Variants in NUCB2 observed in about 807,000 individuals in gnomAD.
The protein encoded by NUCB2 is nucleobindin-2.
NUCB2 carries 48 observed loss-of-function variants against 57.9 expected under a neutral mutation model. That is an observed-to-expected ratio of 0.83 (90% CI 0.66 to 1.05). The LOEUF (loss-of-function observed/expected upper bound fraction) is 1.05. Ranked by LOEUF, NUCB2 falls within the 50% of genes least tolerant of loss-of-function variation. NUCB2 has a pLI of 0.00. For synonymous variants in NUCB2, 139 were observed against 152.1 expected, an observed-to-expected ratio of 0.91 and a Z score of 0.64; for missense variants, 442 against 476.2, an observed-to-expected ratio of 0.93 and a Z score of 0.67.
At chr11:17,280,301 T>G (rs968309406) in intron 1 of NUCB2, among the ~76,000 whole-genome samples, 9 of 152,236 alleles carry the variant, frequency 5.9e-5, no homozygotes, top group African/African-American at 1.7e-4. Flanking sequence ...TTTCTACAGA[T>G]GTAGACAACA....
intron 2 of NUCB2, among the ~76,000 whole-genome samples, chr11:17,286,379 A>G (rs1228183927): frequency 6.6e-6 from 1 of 152,224 alleles, no homozygotes; most frequent in East Asian, 1.9e-4. Context: ...AAGAGAGATT[A>G]GCTTTCTTTT....
chr11:17,292,172 A>G (rs953926549), intron 2 of NUCB2, among the ~76,000 whole-genome samples: 5 of 152,154 alleles, frequency 3.3e-5, no homozygotes, highest in African/African-American at 1.2e-4. Flanking sequence ...TTATTTTTAT[A>G]AATGAGGGAA....
At chr11:17,334,452 C>T (rs1468696464), downstream of NUCB2, 3 of 152,254 alleles carry the variant, frequency 2.0e-5, no homozygotes, top group African/African-American at 4.8e-5. Flanking sequence ...TCTGTCCCCA[C>T]GTTACTTGGC....
chr11:17,295,669 AG>A lies in NUCB2; in HGVS notation c.144+203del, dbSNP rs1945714947. ...ATAGCAGTGAAAAGAGTATTGGCCA[AG>A]CATATGCTGTTTACCATTACACAAT... On this transcript the variant is annotated intron_variant, in intron 3 of 13. Transcript: ENST00000529010. 3 of 546,916 alleles carry A rather than the reference AG, an allele frequency of 5.5e-6. No homozygotes were observed. The East Asian group carries it at 9.8e-5, about 18-fold the overall frequency. 33.9% of individuals were successfully genotyped at this position (546,916 alleles called of 1,614,324 possible). A position where few individuals can be genotyped will look rare whatever the true frequency, so the allele number is the denominator to read the frequency against.
At chr11:17,346,324 G>C (rs2139677145) in intron 2 of NUCB2, among the ~76,000 whole-genome samples, 1 of 152,206 alleles carries the variant, frequency 6.6e-6, no homozygotes, top group South Asian at 2.1e-4. Flanking sequence ...CTGGTACCTG[G>C]GTCCCATCTC....
downstream of NUCB2, among the ~76,000 whole-genome samples, chr11:17,334,676 A>AG (rs1477662702): frequency 3.3e-5 from 5 of 152,242 alleles, no homozygotes; most frequent in African/African-American, 1.2e-4. Flanking sequence ...ACCTGAGGTT[A>AG]GGAGTTCCAG....
At chr11:17,329,621 C>T (rs1248365960) in intron 11 of NUCB2, among the ~76,000 whole-genome samples, 1 of 152,234 alleles carries the variant, frequency 6.6e-6, no homozygotes, top group Non-Finnish European at 1.5e-5. Context: ...CCCCAGAGGG[C>T]ACAGACTCTC....
chr11:17,302,973 C>CAG, intron 5 of NUCB2, among the ~76,000 whole-genome samples: 1 of 152,014 alleles, frequency 6.6e-6, no homozygotes, highest in East Asian at 1.9e-4. Flanking sequence ...CTCCTGACCT[C>CAG]GTGATCCACC....
At position 17,301,442 on chromosome 11, in the gene NUCB2, G is replaced by A. The variant is rs1169500738; in HGVS notation, c.253-302G>A. Among the ~76,000 whole-genome samples the A allele has an allele frequency of 2.0e-5, 3 of 151,360 alleles. No individual in the cohort carries two copies. In the East Asian group the frequency reaches 5.8e-4, roughly 29 times the overall value. ...TGACAGGCGTGTGTCACCATGCCCAGCTAATTTTTGTATTTTTAGTAGAGA... is the reference window on the plus strand; with the variant it reads ...TGACAGGCGTGTGTCACCATGCCCAACTAATTTTTGTATTTTTAGTAGAGA... On this transcript the variant is annotated intron_variant, in intron 4 of 13. Transcript: ENST00000529010.
At chr11:17,301,978 C>T (rs1331215315) in intron 5 of NUCB2, 108 bp downstream of exon 5, 1 of 833,368 alleles carries the variant, frequency 1.2e-6, no homozygotes, top group African/African-American at 1.7e-5. Flanking sequence ...CAGTTCACTA[C>T]AGCCTTGACC....
intron 2 of NUCB2, among the ~76,000 whole-genome samples, chr11:17,348,318 TG>T (rs1952917496): frequency 3.6e-5 from 3 of 82,412 alleles, no homozygotes; most frequent in Non-Finnish European, 6.6e-5. Context: ...TTTGTTTTTG[TG>T]TTTTTTTTTT....
chr11:17,329,796 G>C (rs923300630), intron 11 of NUCB2, among the ~76,000 whole-genome samples: 4 of 152,198 alleles, frequency 2.6e-5, no homozygotes, highest in Non-Finnish European at 5.9e-5. Context: ...TGTGCAGACA[G>C]CTGTTAAAAT....
Position 17,296,114 on chromosome 11 carries a change from T to TTA in NUCB2, c.156_157insAT (p.Tyr53IlefsTer10). ...TTTCTTAATTTGAAGGATACTGGACTTTATTATGATGAATATCTCAAGCAA... is the reference window on the plus strand; with the variant it reads ...TTTCTTAATTTGAAGGATACTGGACTTATTATTATGATGAATATCTCAAGCAA... On this transcript the variant is annotated frameshift_variant, in exon 4 of 14. Transcript: ENST00000529010. LOFTEE classifies it high-confidence loss of function. 1 of 1,604,058 alleles carries TTA rather than the reference T, an allele frequency of 6.2e-7. No individual in the cohort carries two copies. The highest frequency in any genetic ancestry group is 8.5e-7 in the Non-Finnish European group (1 of 1,173,176).
At chr11:17,297,656 A>G (rs1369764421) in intron 4 of NUCB2, among the ~76,000 whole-genome samples, 1 of 152,258 alleles carries the variant, frequency 6.6e-6, no homozygotes, top group African/African-American at 2.4e-5. Flanking sequence ...AGAGATATTC[A>G]GGCAAAAGAA....
downstream of NUCB2, chr11:17,332,561 A>G (rs1364695615): frequency 6.2e-5 from 9 of 144,518 alleles, no homozygotes; most frequent in Admixed American, 5.7e-4. Context: ...CCAGCCCATT[A>G]TTGCATACTA....
intron 4 of NUCB2, among the ~76,000 whole-genome samples, chr11:17,301,103 G>C (rs1296963653): frequency 6.7e-6 from 1 of 150,100 alleles, no homozygotes; most frequent in Non-Finnish European, 1.5e-5. Context: ...CTCCCGAGTA[G>C]CTGAGATTAC....
intron 8 of NUCB2, 116 bp from the exon 9 acceptor site, chr11:17,311,756 G>T (rs1948516516): frequency 3.2e-6 from 2 of 619,452 alleles, no homozygotes; most frequent in Non-Finnish European, 5.6e-6. Flanking sequence ...CTTTTCTGCA[G>T]TCTATTGATG....
At chr11:17,319,191 C>T (rs1846489927) in intron 11 of NUCB2, among the ~76,000 whole-genome samples, 1 of 152,102 alleles carries the variant, frequency 6.6e-6, no homozygotes. Context: ...ATTCCTTCCC[C>T]TCGACCTTCT....
At position 17,312,873 on chromosome 11, in the gene NUCB2, A is replaced by AT. The variant is rs1249674302; in HGVS notation, c.912+760dup. Among the ~76,000 whole-genome samples, 4 of 150,452 alleles carry AT rather than the reference A, an allele frequency of 2.7e-5. No individual in the cohort carries two copies. The East Asian group carries it at 5.9e-4, about 22-fold the overall frequency. On this transcript the variant is annotated intron_variant, in intron 10 of 13. Transcript: ENST00000529010. ...AGGCATGCACCACCACGCCTGGCTG[A>AT]TTTTTTTATTTTTAGTAGAGATGGG...
Sources: allele counts gnomAD v4.1 joint callset (sites outside exome capture counted in the v4.1 genomes callset), GRCh38; gene constraint gnomAD v4.1.1; transcripts MANE v1.5; gene names NCBI Gene and HGNC (gene_info 2026-07-23, HGNC 2026-07-21).